Variants in SLC16A3 observed in about 807,000 individuals in gnomAD.
SLC16A3 encodes the protein monocarboxylate transporter 4.
In SLC16A3, 22 loss-of-function variants were observed where a neutral mutation model predicts 25.0. The observed-to-expected ratio is 0.88, with a 90% CI of 0.63 to 1.26. SLC16A3 has a LOEUF of 1.26. Among genes scored for constraint, SLC16A3 ranks in the 50% most tolerant of loss-of-function variants. The probability of loss-of-function intolerance (pLI) is 0.00; values close to 1 mark genes in which losing one functional copy is unlikely to be tolerated. For missense variants in SLC16A3, 731 were observed against 666.6 expected (o/e 1.10, Z -1.06); for synonymous variants, 390 against 309.2 (o/e 1.26, Z -2.74).
intron 3 of SLC16A3, 66 bp downstream of exon 3, chr17:82,236,938 G>T: frequency 6.3e-7 from 1 of 1,580,362 alleles, no homozygotes; most frequent in Middle Eastern, 2.0e-4. Context: ...TTCTGCTCCT[G>T]GGTCCAGGCC....
chr17:82,236,993 A>T (rs1267493906), intron 3 of SLC16A3, 121 bp downstream of exon 3: 3 of 1,475,426 alleles, frequency 2.0e-6, no homozygotes, highest in Non-Finnish European at 2.7e-6. Context: ...TCCCGGCCCC[A>T]CCTCGTTGTC....
intron 1 of SLC16A3, among the ~76,000 whole-genome samples, chr17:82,222,992 A>AGG (rs146950116): frequency 2.0e-5 from 3 of 151,810 alleles, no homozygotes; most frequent in African/African-American, 7.3e-5. Flanking sequence ...ATACCGGGGA[A>AGG]GGGGGGGTGC....
chr17:82,236,702 G>GC, intron 2 of SLC16A3, 27 bp from the exon 3 acceptor site: 1 of 1,594,292 alleles, frequency 6.3e-7, no homozygotes, highest in Non-Finnish European at 8.5e-7. Context: ...TGCAGGCCCG[G>GC]CCCCTCTCAG....
intron 1 of SLC16A3, chr17:82,230,158 C>T (rs1269147541): frequency 2.0e-5 from 3 of 152,478 alleles, no homozygotes; most frequent in African/African-American, 7.2e-5. Flanking sequence ...CTGGCCTGAC[C>T]CTGCTGAAGG....
At chr17:82,226,812 C>T (rs2050425171), upstream of SLC16A3, among the ~76,000 whole-genome samples, 1 of 152,282 alleles carries the variant, frequency 6.6e-6, no homozygotes, top group East Asian at 1.9e-4. Context: ...CCCCACCCCA[C>T]AGCGTCCTGT....
At position 82,236,863 on chromosome 17, in the gene SLC16A3, G is replaced by A; in HGVS notation, c.358G>A (p.Val120Ile). Residue 120 changes from valine to isoleucine, a missense_variant, in exon 3 of 5, where the codon GTC becomes ATC. Transcript: ENST00000582743. ...SIIQVYLTTG[V>I]ITGLGLALNF... ...CATCCAGGTCTACCTCACCACTGGG[G>A]TCATCACGGGTGAGTGGGGCCGGCC... 4 of 1,605,842 alleles carry A rather than the reference G, an allele frequency of 2.5e-6. No individual in the cohort carries two copies. The highest frequency in any genetic ancestry group is 1.3e-5 in the African/African-American group (1 of 75,054).
In SLC16A3 at chr17:82,238,734, TACG is replaced by T; in HGVS notation, c.1157_1159del (p.Tyr386_Val387delinsLeu). 2 of 1,612,318 alleles carry T rather than the reference TACG, an allele frequency of 1.2e-6. No homozygotes were observed. Among genetic ancestry groups the T allele is most frequent in the Non-Finnish European group, 1.7e-6 (2 of 1,179,798 alleles). On this transcript the variant is annotated inframe_deletion, in exon 5 of 5. Transcript: ENST00000582743. ...CCTGGATGCGACCCACGTCTACATG[TACG>T]TGTTCATCCTGGCGGGGGCCGAGGT...
rs760625187 is a variant in SLC16A3, at chr17:82,236,062, C to A, written c.54C>A (p.Gly18=). 6 of 1,612,648 alleles carry A rather than the reference C, an allele frequency of 3.7e-6. No homozygotes were observed. Among genetic ancestry groups the A allele is most frequent in the Non-Finnish European group, 5.1e-6 (6 of 1,179,860 alleles). ...CCACAGGCGTCAAGGCCCCTGACGG[C>A]GGCTGGGGCTGGGCCGTGCTCTTCG... ...EGPTGVKAPD[G]GWGWAVLFGC... Residue 18 remains glycine, a synonymous_variant, in exon 2 of 5, where the codon GGC becomes GGA. Coordinates refer to ENST00000582743, the MANE Select transcript of SLC16A3 (RefSeq NM_004207.4).
Position 82,236,082 on chromosome 17 carries a change from T to G in SLC16A3, c.74T>G (p.Leu25Arg). 6.2e-7 allele frequency: 1 copy of G among 1,612,946 alleles called. No homozygotes were observed. The highest frequency in any genetic ancestry group is 8.5e-7 in the Non-Finnish European group (1 of 1,179,908). The part of the protein sequence containing the change: ...APDGGWGWAV[L>R]FGCFVITGFS... The stretch of plus-strand genomic sequence containing the variant: ...GACGGCGGCTGGGGCTGGGCCGTGC[T>G]CTTCGGCTGTTTCGTCATCACTGGC... The change falls in exon 2 of 5, where the codon CTC (leucine) becomes CGC (arginine). Residue 25 changes from leucine (L) to arginine (R), a missense_variant. By Grantham distance (102) the Leu-to-Arg change is moderately radical. Coordinates refer to ENST00000582743, the MANE Select transcript of SLC16A3 (RefSeq NM_004207.4).
At chr17:82,221,162 C>T (rs1414429194) in intron 1 of SLC16A3, among the ~76,000 whole-genome samples, 1 of 152,062 alleles carries the variant, frequency 6.6e-6, no homozygotes, top group African/African-American at 2.4e-5. Flanking sequence ...ACATAAGAAA[C>T]AAAGATACAA....
In SLC16A3 at chr17:82,238,879, C is replaced by G; in HGVS notation, c.1301C>G (p.Ala434Gly). The change falls in exon 5 of 5, where the codon GCA (alanine) becomes GGA (glycine). Residue 434 changes from alanine (A) to glycine (G), a missense_variant. Physicochemically the swap from Ala to Gly is moderately conservative, Grantham distance 60. Transcript: ENST00000582743. The part of the protein sequence containing the change: ...AEEEKLHKPP[A>G]DSGVDLREVE... ...GAGGAGAAGCTCCACAAGCCTCCTG[C>G]AGACTCGGGGGTGGACTTGCGGGAG... The G allele has an allele frequency of 3.1e-6, 5 of 1,609,852 alleles. No homozygotes were observed. Among genetic ancestry groups the G allele is most frequent in the Non-Finnish European group, 4.2e-6 (5 of 1,177,672 alleles).
rs561450294 is a variant in SLC16A3 at position 82,240,011 on chromosome 17, G to A, written c.*1035G>A. 120 of 1,233,780 alleles carry A rather than the reference G, an allele frequency of 9.7e-5. No individual in the cohort carries two copies. In the East Asian group the frequency reaches 1.7e-3, roughly 18 times the overall value. 76.4% of individuals were successfully genotyped at this position (1,233,780 alleles called of 1,614,324 possible). On this transcript the variant is annotated 3_prime_UTR_variant, in exon 5 of 5. Transcript: ENST00000582743. ...CGTCGTGGGCGCTGGGGACGGCAGC[G>A]GGTGCCCTGGCGGGCCGCGTGCAGC...
At chr17:82,232,202 C>T (rs545991572) in intron 1 of SLC16A3, 121 of 152,440 alleles carry the variant, frequency 7.9e-4, no homozygotes, top group Middle Eastern at 6.8e-3. Context: ...GCCACAAAGG[C>T]AGGGCCAAAG....
Position 82,238,899 on chromosome 17 carries a change from C to T in SLC16A3, c.1321C>T (p.Arg441Trp), listed in dbSNP as rs368643451. 90 of 1,601,050 alleles carry T rather than the reference C, an allele frequency of 5.6e-5. No homozygotes were observed. In the South Asian group the frequency reaches 8.6e-4, roughly 15 times the overall value. ...KPPADSGVDL[R>W]EVEHFLKAEP... ...TCCTGCAGACTCGGGGGTGGACTTG[C>T]GGGAGGTGGAGCATTTCCTGAAGGC... Residue 441 changes from arginine to tryptophan, a missense_variant, in exon 5 of 5, where the codon CGG (arginine) becomes TGG (tryptophan). Coordinates refer to ENST00000582743, the MANE Select transcript of SLC16A3 (RefSeq NM_004207.4).
Position 82,234,119 on chromosome 17 carries a change from C to G in SLC16A3, c.-26-1864C>G, listed in dbSNP as rs9674487. The G allele has an allele frequency of 2.5e-3, 379 of 152,104 alleles. 1 individual carries two copies. The highest frequency in any genetic ancestry group is 2.5e-3 in the South Asian group (12 of 4,838). The allele number at this position is 152,104 out of a possible 1,614,324, so 9.4% of individuals were successfully genotyped here. ...CCCCCCAAAGTGCTGGGATTACAGG[C>G]GTGAGCCACCGCGCCCGGCCTCAGT... On this transcript the variant is annotated intron_variant, in intron 1 of 4. Transcript: ENST00000582743.
chr17:82,237,766 C>T lies in SLC16A3; in HGVS notation c.996C>T (p.Tyr332=), dbSNP rs199930118. The T allele has an allele frequency of 1.1e-4, 173 of 1,611,862 alleles. No individual in the cohort carries two copies. The highest frequency in any genetic ancestry group is 3.3e-4 in the Middle Eastern group (2 of 6,084). The stretch of plus-strand genomic sequence containing the variant: ...TCTGCATCTTCTTTGGCATCTCCTA[C>T]GGCATGGTGGGGGCCCTGCAGTTCG... The part of the protein sequence containing the change: ...VVFCIFFGIS[Y]GMVGALQFEV... The change falls in exon 4 of 5, where the codon TAC becomes TAT. Residue 332 remains tyrosine, a synonymous_variant. Coordinates refer to ENST00000582743, the MANE Select transcript of SLC16A3 (RefSeq NM_004207.4).
At chr17:82,222,320 C>A (rs1166253300) in intron 1 of SLC16A3, among the ~76,000 whole-genome samples, 1 of 152,186 alleles carries the variant, frequency 6.6e-6, no homozygotes, top group African/African-American at 2.4e-5. Context: ...TGGGACCCAG[C>A]AACTCCGCTC....
intron 1 of SLC16A3, 136 bp from the exon 2 acceptor site, chr17:82,235,845 CAG>C (rs2050587119): frequency 3.2e-6 from 2 of 629,028 alleles, no homozygotes; most frequent in South Asian, 1.9e-5. Context: ...GACACCAGGT[CAG>C]GGGGCCACAA....
At chr17:82,236,466 C>G (rs565706387) in intron 2 of SLC16A3, 124 of 629,266 alleles carry the variant, frequency 2.0e-4, no homozygotes, top group African/African-American at 1.7e-3. Flanking sequence ...TATTTATAGA[C>G]CGTCTCAGAG....
Sources: allele counts gnomAD v4.1 joint callset (sites outside exome capture counted in the v4.1 genomes callset), GRCh38; gene constraint gnomAD v4.1.1; transcripts MANE v1.5; gene names NCBI Gene and HGNC (gene_info 2026-07-23, HGNC 2026-07-21).